ZCCHC4: variants seen among roughly 807,000 people sequenced by gnomAD.
The protein encoded by ZCCHC4 is rRNA N(6)-adenosine-methyltransferase ZCCHC4.
Under a neutral mutation model 67.7 loss-of-function variants are expected in ZCCHC4, and 54 were observed. That is an observed-to-expected ratio of 0.80 (90% CI 0.64 to 1.00). ZCCHC4 has a LOEUF of 1.00. Ranked by LOEUF, ZCCHC4 falls within the 50% of genes least tolerant of loss-of-function variation. The pLI is 0.00. For missense variants in ZCCHC4, 609 were observed against 617.0 expected (o/e 0.99, Z 0.14); for synonymous variants, 198 against 213.5 (o/e 0.93, Z 0.63).
At chr4:25,327,385 C>A (rs1389226611) in intron 3 of ZCCHC4, among the ~76,000 whole-genome samples, 1 of 134,532 alleles carries the variant, frequency 7.4e-6, no homozygotes, top group Non-Finnish European at 1.5e-5. Context: ...AATCTCCCTC[C>A]CTCCCTCCCT....
Position 25,315,366 on chromosome 4 carries a change from C to T in ZCCHC4, c.295C>T (p.Gln99Ter), listed in dbSNP as rs1347824184. 5.0e-6 allele frequency: 8 copies of T among 1,613,186 alleles called. No individual in the cohort carries two copies. Among genetic ancestry groups the T allele is most frequent in the Non-Finnish European group, 6.8e-6 (8 of 1,179,428 alleles). The change falls in exon 3 of 13, where the codon CAG becomes TAG. Residue 99 changes from glutamine (Q) to a stop codon, truncating the protein, a stop_gained. Coordinates refer to ENST00000302874, the MANE Select transcript of ZCCHC4 (RefSeq NM_024936.3). LOFTEE classifies it high-confidence loss of function. ...AAREAHNRRC[Q>*]PPLSRTQCVE... ...CCGAGAAGCTCATAACCGAAGATGTCAGCCTCCCCTGTCCCGAACGCAGTG... is the reference window on the plus strand; with the variant it reads ...CCGAGAAGCTCATAACCGAAGATGTTAGCCTCCCCTGTCCCGAACGCAGTG...
chr4:25,326,683 AT>A (rs1718900479), intron 3 of ZCCHC4, among the ~76,000 whole-genome samples: 1 of 151,832 alleles, frequency 6.6e-6, no homozygotes, highest in African/African-American at 2.4e-5. Flanking sequence ...GGTCCTTTTT[AT>A]TTTCATATGA....
In ZCCHC4 at chr4:25,333,321, GCCCAGTCAACTCCTTTA is replaced by G; in HGVS notation, c.469_485del (p.Pro157SerfsTer15). 6.2e-7 allele frequency: 1 copy of G among 1,614,082 alleles called. No individual in the cohort carries two copies. The highest frequency in any genetic ancestry group is 8.5e-7 in the Non-Finnish European group (1 of 1,180,010). On this transcript the variant is annotated frameshift_variant, in exon 4 of 13. Coordinates refer to ENST00000302874, the MANE Select transcript of ZCCHC4 (RefSeq NM_024936.3). LOFTEE classifies it high-confidence loss of function. ...ATGTGTCCATTACCCAGTTAAGAAG[GCCCAGTCAACTCCTTTA>G]TCCACTGGAAAACAAGAAGACAAAT...
chr4:25,361,759 C>A, intron 8 of ZCCHC4, 100 bp from the exon 9 acceptor site: 1 of 1,220,716 alleles, frequency 8.2e-7, no homozygotes, highest in Non-Finnish European at 1.1e-6. Context: ...AATACTTTAA[C>A]TCATATATTG....
At chr4:25,360,272 A>ACCGC (rs1353867485) in intron 8 of ZCCHC4, among the ~76,000 whole-genome samples, 4 of 152,204 alleles carry the variant, frequency 2.6e-5, no homozygotes, top group Non-Finnish European at 4.4e-5. Context: ...TGCGGCTGAG[A>ACCGC]CCGCCTTCCT....
At chr4:25,351,747 G>C (rs1720309218) in intron 8 of ZCCHC4, 58 bp downstream of exon 8, 4 of 1,372,798 alleles carry the variant, frequency 2.9e-6, no homozygotes, top group Non-Finnish European at 4.1e-6. Context: ...TACTTGAATA[G>C]ATATAAGACT....
rs61227153 is a variant in ZCCHC4 at position 25,314,015 on chromosome 4, C to CTTTTT, written c.128-20_128-16dup. The CTTTTT allele has an allele frequency of 2.6e-3, 2,618 of 1,020,764 alleles. 46 individuals carry two copies. Among genetic ancestry groups the CTTTTT allele is most frequent in the South Asian group, 2.8e-3 (164 of 58,372 alleles). 63.2% of individuals were successfully genotyped at this position (1,020,764 alleles called of 1,614,324 possible). A position where few individuals can be genotyped will look rare whatever the true frequency, so the allele number is the denominator to read the frequency against. On this transcript the variant is annotated intron_variant, in intron 1 of 12. Transcript: ENST00000302874. ...TGACGTAGATGACCATTACTTGACACTTTTTTTTTTTTTTTCTATTCTGGA... is the reference window on the plus strand; with the variant it reads ...TGACGTAGATGACCATTACTTGACACTTTTTTTTTTTTTTTTTTTTCTATTCTGGA...
chr4:25,357,984 G>T (rs1720578109), intron 8 of ZCCHC4, among the ~76,000 whole-genome samples: 1 of 152,198 alleles, frequency 6.6e-6, no homozygotes, highest in African/African-American at 2.4e-5. Context: ...GAGAGCTACT[G>T]ATGTAAAGAA....
intron 8 of ZCCHC4, among the ~76,000 whole-genome samples, chr4:25,354,979 C>T (rs1029814359): frequency 6.6e-6 from 1 of 150,550 alleles, no homozygotes; most frequent in Non-Finnish European, 1.5e-5. Flanking sequence ...GTAAAAAACC[C>T]CAAATCACTA....
intron 3 of ZCCHC4, among the ~76,000 whole-genome samples, chr4:25,325,679 G>A (rs962772886): frequency 1.3e-5 from 2 of 152,070 alleles, no homozygotes; most frequent in East Asian, 1.9e-4. Flanking sequence ...AAGTCATGAC[G>A]AAGTTCATTT....
At chr4:25,368,566 A>G (rs570582218) in intron 12 of ZCCHC4, among the ~76,000 whole-genome samples, 2 of 152,164 alleles carry the variant, frequency 1.3e-5, no homozygotes, top group Admixed American at 6.5e-5. Context: ...CTTAGGAAAC[A>G]GGCCCTTTCA....
At chr4:25,368,988 T>C in intron 12 of ZCCHC4, 41 bp from the exon 13 acceptor site, 1 of 1,579,032 alleles carries the variant, frequency 6.3e-7, no homozygotes, top group Non-Finnish European at 8.6e-7. Flanking sequence ...CATAATTCAC[T>C]GTGCTCATTC....
At chr4:25,352,334 T>C in intron 8 of ZCCHC4, 1 of 985,440 alleles carries the variant, frequency 1.0e-6, no homozygotes, top group Non-Finnish European at 1.2e-6. Context: ...AACTCCACTT[T>C]CCTGTATTTT....
At chr4:25,352,192 T>C in intron 8 of ZCCHC4, 2 of 985,532 alleles carry the variant, frequency 2.0e-6, no homozygotes, top group Non-Finnish European at 1.2e-6. Flanking sequence ...GTGAATGTGT[T>C]GATTCCGGGA....
At chr4:25,318,473 A>C (rs1718399088) in intron 3 of ZCCHC4, among the ~76,000 whole-genome samples, 1 of 150,042 alleles carries the variant, frequency 6.7e-6, no homozygotes, top group South Asian at 2.1e-4. Context: ...TCTCCTATCA[A>C]GCCTCTCAGT....
At chr4:25,336,272 A>G (rs936881767) in intron 5 of ZCCHC4, among the ~76,000 whole-genome samples, 1 of 152,260 alleles carries the variant, frequency 6.6e-6, no homozygotes, top group East Asian at 1.9e-4. Context: ...TTCACTTAGC[A>G]TCATGTTTTC....
chr4:25,364,301 A>G (rs1158811847), intron 10 of ZCCHC4, among the ~76,000 whole-genome samples, 153 bp from the exon 11 acceptor site: 4 of 152,230 alleles, frequency 2.6e-5, no homozygotes, highest in African/African-American at 7.2e-5. Context: ...ATAAATTAAA[A>G]TCAAAGTATC....
intron 3 of ZCCHC4, among the ~76,000 whole-genome samples, chr4:25,327,428 C>A (rs1718948240): frequency 7.2e-6 from 1 of 139,118 alleles, no homozygotes; most frequent in Admixed American, 7.4e-5. Context: ...TTCCCTCCTT[C>A]CCTCCTTCCT....
chr4:25,322,972 C>T (rs1376859832), intron 3 of ZCCHC4, among the ~76,000 whole-genome samples: 1 of 152,182 alleles, frequency 6.6e-6, no homozygotes, highest in Non-Finnish European at 1.5e-5. Flanking sequence ...TTTCTCCTTC[C>T]CCAGTAGCAA....
Sources: allele counts gnomAD v4.1 joint callset (sites outside exome capture counted in the v4.1 genomes callset), GRCh38; gene constraint gnomAD v4.1.1; transcripts MANE v1.5; gene names NCBI Gene and HGNC (gene_info 2026-07-23, HGNC 2026-07-21).